The following KIF21A variants were observed in gnomAD, a reference collection of about 807,000 sequenced individuals.
The protein encoded by KIF21A is kinesin family member 21A.
In KIF21A, 114 loss-of-function variants were observed where a neutral mutation model predicts 202.9. The observed-to-expected ratio is 0.56, with a 90% CI of 0.48 to 0.66. The LOEUF (loss-of-function observed/expected upper bound fraction) is 0.66, where lower values mean the gene tolerates loss of function less well. KIF21A is among the 30% of genes least tolerant of loss of function. The probability of loss-of-function intolerance (pLI) is 0.00; values close to 1 mark genes in which losing one functional copy is unlikely to be tolerated. For synonymous variants in KIF21A, 667 were observed against 670.8 expected (o/e 0.99, Z 0.09); for missense variants, 1,677 against 1,994.9 (o/e 0.84, Z 3.04).
At chr12:39,359,544 A>G (rs1352788904) in intron 7 of KIF21A, among the ~76,000 whole-genome samples, 4 of 152,160 alleles carry the variant, frequency 2.6e-5, no homozygotes, top group Non-Finnish European at 5.9e-5. Context: ...TGTGTACATA[A>G]TATTTACTGG....
At chr12:39,308,320 G>A (rs1391285865) in intron 33 of KIF21A, among the ~76,000 whole-genome samples, 3 of 151,772 alleles carry the variant, frequency 2.0e-5, no homozygotes, top group African/African-American at 7.3e-5. Context: ...CCTGGGAGGT[G>A]CGGATGGCAG....
At chr12:39,393,770 G>A (rs544254301) in intron 1 of KIF21A, among the ~76,000 whole-genome samples, 1 of 152,272 alleles carries the variant, frequency 6.6e-6, no homozygotes, top group Admixed American at 6.5e-5. Context: ...ACTAATACAG[G>A]TTGGACATTT....
intron 26 of KIF21A, among the ~76,000 whole-genome samples, chr12:39,324,120 AG>A (rs1443452548): frequency 1.3e-5 from 2 of 152,118 alleles, no homozygotes; most frequent in Non-Finnish European, 2.9e-5. Context: ...AAAAAAAAAA[AG>A]AAATGATACG....
chr12:39,384,408 T>G (rs1250153085), intron 1 of KIF21A, among the ~76,000 whole-genome samples: 1 of 152,186 alleles, frequency 6.6e-6, no homozygotes, highest in Non-Finnish European at 1.5e-5. Context: ...GTTCACAGCA[T>G]GGGCTCAGAC....
intron 3 of KIF21A, among the ~76,000 whole-genome samples, chr12:39,369,020 C>T (rs1816329600): frequency 6.6e-6 from 1 of 152,142 alleles, no homozygotes; most frequent in African/African-American, 2.4e-5. Context: ...TCTACCTATG[C>T]AAGGATAACA....
chr12:39,318,200 A>G lies in KIF21A; in HGVS notation c.3781T>C (p.Ser1261Pro). The change falls in exon 29 of 38, where the codon TCA (serine) becomes CCA (proline). Residue 1261 changes from serine (S) to proline (P), a missense_variant and splice_region_variant. By Grantham distance (74) the Ser-to-Pro change is moderately conservative. Around this residue, in one of 3 missense-constraint regions of KIF21A, gnomAD observed 705 missense variants for 791.9 expected, o/e 0.89. Coordinates refer to ENST00000361418, the MANE Select transcript of KIF21A (RefSeq NM_001173464.2). ...CTAGCCTCTGAAGTTCCAGAATCTG[A>G]GCTACAAGAAAAAAAGAACATTAAG... is the stretch of plus-strand genomic sequence containing the variant. ...EKSKAKEQKH[S>P]DSGTSEASLS... is the part of the protein sequence containing the mutation. The G allele has an allele frequency of 1.9e-6, 3 of 1,612,968 alleles. No homozygotes were observed. The Admixed American group carries it at 5.0e-5, about 27-fold the overall frequency.
Position 39,319,916 on chromosome 12 carries a change from C to A in KIF21A, c.3769G>T (p.Glu1257Ter). 6.3e-7 allele frequency: 1 copy of A among 1,598,622 alleles called. No individual in the cohort carries two copies. The highest frequency in any genetic ancestry group is 1.1e-5 in the South Asian group (1 of 89,988). The change falls in exon 28 of 38, where the codon GAA (glutamate) becomes TAA (stop). Residue 1257 changes from glutamate (E) to a stop codon, truncating the protein, a stop_gained. Transcript: ENST00000361418. LOFTEE classifies it high-confidence loss of function. Reference sequence around the variant, plus strand: ...ACATTAGTCACTTACTGCTTTTGTTCCTTGGCCTTTGATTTTTCTGCTTTC... The same window carrying A: ...ACATTAGTCACTTACTGCTTTTGTTACTTGGCCTTTGATTTTTCTGCTTTC... ...YEKAEKSKAKEQKHSDSGTSE... is the reference protein window; with the variant it reads ...YEKAEKSKAK
chr12:39,362,224 C>T (rs1316086646), intron 7 of KIF21A, among the ~76,000 whole-genome samples: 1 of 152,162 alleles, frequency 6.6e-6, no homozygotes, highest in African/African-American at 2.4e-5. Flanking sequence ...AACCTCTTTT[C>T]TGTATAAATT....
chr12:39,432,181 C>A (rs1355653744), intron 1 of KIF21A, among the ~76,000 whole-genome samples: 1 of 152,198 alleles, frequency 6.6e-6, no homozygotes, highest in Non-Finnish European at 1.5e-5. Flanking sequence ...GTTTGATTTA[C>A]CATCACTGGC....
chr12:39,312,228 G>C (rs1944103241), intron 31 of KIF21A: 2 of 151,998 alleles, frequency 1.3e-5, no homozygotes, highest in Admixed American at 1.3e-4. Context: ...CAACAACATA[G>C]ATAGAACTGG....
At chr12:39,387,135 A>G (rs1207996099) in intron 1 of KIF21A, among the ~76,000 whole-genome samples, 1 of 149,512 alleles carries the variant, frequency 6.7e-6, no homozygotes, top group Non-Finnish European at 1.5e-5. Flanking sequence ...AGAAAACTCA[A>G]TGAGTTTTTG....
intron 14 of KIF21A, 86 bp downstream of exon 14, chr12:39,341,419 T>G: frequency 7.6e-7 from 1 of 1,322,168 alleles, no homozygotes; most frequent in South Asian, 1.2e-5. Flanking sequence ...TCATCAAGTA[T>G]GAAATAGAGA....
intron 1 of KIF21A, among the ~76,000 whole-genome samples, chr12:39,402,975 G>A (rs1385127877): frequency 6.6e-6 from 1 of 152,138 alleles, no homozygotes; most frequent in East Asian, 1.9e-4. Flanking sequence ...TGTTGTGCTG[G>A]TTCATGAAGC....
chr12:39,347,017 G>T (rs1428066906), intron 11 of KIF21A, among the ~76,000 whole-genome samples: 1 of 151,624 alleles, frequency 6.6e-6, no homozygotes, highest in Non-Finnish European at 1.5e-5. Context: ...CATACTTTCT[G>T]TTTTAATATA....
intron 1 of KIF21A, among the ~76,000 whole-genome samples, chr12:39,416,309 T>C: frequency 6.6e-6 from 1 of 151,986 alleles, no homozygotes; most frequent in East Asian, 1.9e-4. Context: ...GTAAAAAAAC[T>C]TGACAGCCGA....
At chr12:39,322,237 G>A (rs1208521281) in intron 27 of KIF21A, 1 of 154,430 alleles carries the variant, frequency 6.5e-6, no homozygotes. Flanking sequence ...TTCTTTAAAA[G>A]TCAGCAAACA....
intron 1 of KIF21A, among the ~76,000 whole-genome samples, chr12:39,380,027 G>A (rs1264595231): frequency 3.9e-5 from 6 of 152,180 alleles, no homozygotes; most frequent in Non-Finnish European, 7.3e-5. Flanking sequence ...GAGTGCAGTG[G>A]CGCTATCTCT....
rs1050026966 is a variant in KIF21A, at chr12:39,427,336, T to C, written c.44+15591A>G. 3.3e-5 allele frequency among the ~76,000 whole-genome samples: 5 copies of C among 152,248 alleles called. 1 individual carries two copies. The South Asian group carries it at 1.0e-3, about 31-fold the overall frequency. ...TGAACTTGGAGCAATAGCTTTCTTTTTACATTTTTACTAGCTGTACTTTCC... is the reference window on the plus strand; with the variant it reads ...TGAACTTGGAGCAATAGCTTTCTTTCTACATTTTTACTAGCTGTACTTTCC... On this transcript the variant is annotated intron_variant, in intron 1 of 37. Coordinates refer to ENST00000361418, the MANE Select transcript of KIF21A (RefSeq NM_001173464.2).
At chr12:39,425,008 C>A (rs1954633004) in intron 1 of KIF21A, among the ~76,000 whole-genome samples, 1 of 152,126 alleles carries the variant, frequency 6.6e-6, no homozygotes, top group African/African-American at 2.4e-5. Context: ...ACCCTCGGTT[C>A]TATTTTCTAT....
Sources: gnomAD v4.1 joint callset for allele counts (sites outside exome capture counted in the v4.1 genomes callset) on GRCh38, gnomAD v4.1.1 for gene constraint, gnomAD v4.1.1 regional missense constraint, MANE v1.5 for transcripts, NCBI Gene and HGNC (gene_info 2026-07-23, HGNC 2026-07-21) for gene names.